RAI2: variants seen among roughly 807,000 people sequenced by gnomAD.
RAI2 encodes the protein retinoic acid-induced protein 2.
RAI2 carries 5 observed loss-of-function variants against 15.3 expected under a neutral mutation model. The observed-to-expected ratio is 0.33, with a 90% CI of 0.17 to 0.69. RAI2 has a LOEUF of 0.69. Among genes scored for constraint, RAI2 ranks in the 30% least tolerant of loss-of-function variants. The pLI is 0.69. For synonymous variants in RAI2, 191 were observed against 184.0 expected (o/e 1.04, Z -0.31); for missense variants, 424 against 424.7 (o/e 1.00, Z 0.01).
intron 1 of RAI2, among the ~76,000 whole-genome samples, chrX:17,832,875 CAA>C (rs1260851965): frequency 8.9e-6 from 1 of 111,909 alleles, no homozygotes; most frequent in Non-Finnish European, 1.9e-5. Flanking sequence ...AAAGATAACC[CAA>C]GACAGTCTTG....
intron 1 of RAI2, among the ~76,000 whole-genome samples, chrX:17,826,501 A>AT (rs1386093825): frequency 9.0e-6 from 1 of 111,099 alleles, no homozygotes; most frequent in Non-Finnish European, 1.9e-5. Flanking sequence ...ATGAATATTT[A>AT]TTTGGAGGGA....
chrX:17,860,238 T>A (rs1249097586), intron 1 of RAI2, among the ~76,000 whole-genome samples: 1 of 112,176 alleles, frequency 8.9e-6, no homozygotes, highest in Non-Finnish European at 1.9e-5. Context: ...GGATGCCATT[T>A]CCCCACCCAG....
chrX:17,803,241 C>T (rs751272680), intron 1 of RAI2, among the ~76,000 whole-genome samples: 2 of 111,209 alleles, frequency 1.8e-5, no homozygotes, highest in Non-Finnish European at 3.8e-5. Context: ...AATAAACAAA[C>T]GAGGCTGGGT....
At chrX:17,808,616 CA>C (rs1358001711) in intron 1 of RAI2, among the ~76,000 whole-genome samples, 1 of 110,548 alleles carries the variant, frequency 9.0e-6, no homozygotes, top group Non-Finnish European at 1.9e-5. Flanking sequence ...ATCAACACAC[CA>C]AACTCCCTCC....
At chrX:17,822,176 C>A in intron 1 of RAI2, among the ~76,000 whole-genome samples, 1 of 111,812 alleles carries the variant, frequency 8.9e-6, no homozygotes, top group South Asian at 3.7e-4. Context: ...GAGAAATATA[C>A]GATTAATAAT....
chrX:17,818,740 T>C (rs2067132111), intron 1 of RAI2, among the ~76,000 whole-genome samples: 1 of 112,460 alleles, frequency 8.9e-6, no homozygotes, highest in Non-Finnish European at 1.9e-5. Context: ...ACTGGTTCCA[T>C]GCCTGGCAAC....
intron 1 of RAI2, among the ~76,000 whole-genome samples, chrX:17,858,458 C>T (rs753350234): frequency 5.3e-5 from 6 of 112,401 alleles, no homozygotes; most frequent in African/African-American, 1.6e-4. Context: ...AGAGAACAGA[C>T]GTTTCCTATT....
intron 1 of RAI2, among the ~76,000 whole-genome samples, chrX:17,803,172 G>A (rs1050730545): frequency 9.0e-6 from 1 of 110,918 alleles, no homozygotes; most frequent in South Asian, 3.8e-4. Flanking sequence ...TCCTCACCCC[G>A]AAATTACCAA....
intron 1 of RAI2, among the ~76,000 whole-genome samples, chrX:17,818,054 T>C (rs1391200965): frequency 1.8e-5 from 2 of 112,123 alleles, no homozygotes; most frequent in East Asian, 5.6e-4. Context: ...ATGGGGGCTC[T>C]TGTGTGCAAA....
intron 1 of RAI2, among the ~76,000 whole-genome samples, chrX:17,851,900 G>T (rs2067540317): frequency 8.9e-6 from 1 of 112,290 alleles, no homozygotes; most frequent in African/African-American, 3.2e-5. Context: ...AAGACTGTTT[G>T]CATTTTTATG....
chrX:17,811,252 C>G (rs113651101), intron 1 of RAI2, among the ~76,000 whole-genome samples: 1,203 of 112,436 alleles, frequency 0.011, 11 homozygotes, highest in African/African-American at 0.036. Context: ...GTAGGGAACA[C>G]TCACCTGGAC....
intron 1 of RAI2, among the ~76,000 whole-genome samples, chrX:17,828,890 G>T (rs2067253707): frequency 9.0e-6 from 1 of 111,677 alleles, no homozygotes. Flanking sequence ...ATACTGGGAG[G>T]GTTGGTGGGG....
At chrX:17,845,321 G>A (rs998139164) in intron 1 of RAI2, among the ~76,000 whole-genome samples, 13 of 112,304 alleles carry the variant, frequency 1.2e-4, no homozygotes, top group African/African-American at 4.2e-4. Context: ...TTTCCCTTTC[G>A]CTTTTATTTC....
At chrX:17,809,593 G>A (rs913655596) in intron 1 of RAI2, among the ~76,000 whole-genome samples, 1 of 110,666 alleles carries the variant, frequency 9.0e-6, no homozygotes, top group Non-Finnish European at 1.9e-5. Context: ...ATATATGTGT[G>A]TGCATGTGTG....
intron 1 of RAI2, among the ~76,000 whole-genome samples, chrX:17,824,954 G>T (rs2067209640): frequency 8.9e-6 from 1 of 112,095 alleles, no homozygotes; most frequent in Non-Finnish European, 1.9e-5. Flanking sequence ...TTGAATCAGG[G>T]GCTGGAATCA....
chrX:17,824,694 T>G (rs958954141), intron 1 of RAI2, among the ~76,000 whole-genome samples: 1 of 111,994 alleles, frequency 8.9e-6, no homozygotes, highest in Non-Finnish European at 1.9e-5. Context: ...TGAACAAAGG[T>G]GTCAGCAATT....
chrX:17,802,015 C>G lies in RAI2; in HGVS notation c.-5G>C. The G allele has an allele frequency of 8.4e-7, 1 of 1,189,110 alleles. No homozygotes were observed. On this transcript the variant is annotated 5_prime_UTR_variant, in exon 2 of 2. Transcript: ENST00000451717. ...CTGGGACTGCAGGTCGTCCATCACT[C>G]AGCTCTGATGCCACTTGGCCTGCAA...
intron 1 of RAI2, among the ~76,000 whole-genome samples, chrX:17,853,105 G>A (rs945828611): frequency 9.0e-6 from 1 of 111,252 alleles, no homozygotes. Flanking sequence ...CTGGAATCAG[G>A]TGCATATGAA....
intron 1 of RAI2, among the ~76,000 whole-genome samples, chrX:17,856,179 G>A (rs759672713): frequency 1.2e-4 from 13 of 112,370 alleles, no homozygotes; most frequent in African/African-American, 4.2e-4. Context: ...TACAAGGATT[G>A]GGATGTTCAA....
Sources: allele counts gnomAD v4.1 joint callset (sites outside exome capture counted in the v4.1 genomes callset), GRCh38; gene constraint gnomAD v4.1.1; transcripts MANE v1.5; gene names NCBI Gene and HGNC (gene_info 2026-07-23, HGNC 2026-07-21).